Variants in B3GALNT2 observed in about 807,000 individuals in gnomAD.
B3GALNT2 encodes UDP-GalNAc:beta-1,3-N-acetylgalactosaminyltransferase 2.
In B3GALNT2, 53 loss-of-function variants were observed where a neutral mutation model predicts 61.1. That is an observed-to-expected ratio of 0.87 (90% CI 0.70 to 1.09). The LOEUF (loss-of-function observed/expected upper bound fraction) is 1.09. B3GALNT2 is among the 50% of genes least tolerant of loss of function. The probability of loss-of-function intolerance (pLI) is 0.00; values close to 1 mark genes in which losing one functional copy is unlikely to be tolerated. For missense variants in B3GALNT2, 544 were observed against 623.0 expected, an observed-to-expected ratio of 0.87 and a Z score of 1.35; for synonymous variants, 223 against 237.4, an observed-to-expected ratio of 0.94 and a Z score of 0.56.
At position 235,458,669 on chromosome 1, in the gene B3GALNT2, A is replaced by G. The variant is rs148808160; in HGVS notation, c.959T>C (p.Ile320Thr). 3.2e-5 allele frequency: 51 copies of G among 1,613,140 alleles called. No individual in the cohort carries two copies. In the Admixed American group the frequency reaches 4.3e-4, roughly 14 times the overall value. ...AGTGTCGACAACATCCACAAAAACA[A>G]TATCATCATAGATGCTGCTTTCCTC... is the stretch of plus-strand genomic sequence containing the variant. ...LKEESSIYDD[I>T]VFVDVVDTYR... The change falls in exon 8 of 12, where the codon ATT (isoleucine) becomes ACT (threonine). Residue 320 changes from isoleucine to threonine, a missense_variant. Coordinates refer to ENST00000366600, the MANE Select transcript of B3GALNT2 (RefSeq NM_152490.5).
chr1:235,463,512 T>G (rs993567690), intron 7 of B3GALNT2: 1 of 150,140 alleles, frequency 6.7e-6, no homozygotes, highest in Non-Finnish European at 1.5e-5. Context: ...AGACCCAGAA[T>G]AGCCAATCAA....
intron 5 of B3GALNT2, among the ~76,000 whole-genome samples, chr1:235,471,304 T>G (rs764320978): frequency 4.6e-5 from 7 of 152,210 alleles, no homozygotes; most frequent in Non-Finnish European, 7.3e-5. Flanking sequence ...ACACCCTGAT[T>G]TACTCATTTT....
In B3GALNT2 at chr1:235,467,700, G is replaced by A. The variant is rs188005496; in HGVS notation, c.763-1986C>T. Among the ~76,000 whole-genome samples, 233 of 151,708 alleles carry A rather than the reference G, an allele frequency of 1.5e-3. 2 individuals carry two copies. The highest frequency in any genetic ancestry group is 0.013 in the Admixed American group (202 of 15,222). On this transcript the variant is annotated intron_variant, in intron 6 of 11. Transcript: ENST00000366600. ...TCACCATGTTGGCCAGGCTGGTCTC[G>A]AACTCCTGACCTCAGGTGATCCGCC...
chr1:235,484,552 T>A, intron 3 of B3GALNT2, 37 bp from the exon 4 acceptor site: 1 of 1,570,956 alleles, frequency 6.4e-7, no homozygotes, highest in Non-Finnish European at 8.6e-7. Flanking sequence ...ACTGAACAAA[T>A]GTAATCCTTT....
rs995874360 is a variant in B3GALNT2, at chr1:235,449,656, A to G, written c.*550T>C. The G allele has an allele frequency of 9.2e-5, 14 of 152,546 alleles. No homozygotes were observed. The highest frequency in any genetic ancestry group is 2.7e-4 in the African/African-American group (11 of 41,448). The allele number at this position is 152,546 out of a possible 1,614,324, so 9.4% of individuals were successfully genotyped here. A position where few individuals can be genotyped will look rare whatever the true frequency, so the allele number is the denominator to read the frequency against. On this transcript the variant is annotated 3_prime_UTR_variant, in exon 12 of 12. Coordinates refer to ENST00000366600, the MANE Select transcript of B3GALNT2 (RefSeq NM_152490.5). ...CTCTTCAAGTTAGTTCAAGTTGCCC[A>G]CTTCAGAGATCCACAAAATCTGACA...
intron 5 of B3GALNT2, among the ~76,000 whole-genome samples, chr1:235,471,511 G>A (rs1206851484): frequency 6.6e-6 from 1 of 152,156 alleles, no homozygotes; most frequent in African/African-American, 2.4e-5. Flanking sequence ...ACCGCCAACT[G>A]CTTTTTGAAA....
At chr1:235,441,879 C>A in the B3GALNT2 span, 1 of 1,613,738 alleles carries the variant, frequency 6.2e-7, no homozygotes, top group African/African-American at 1.3e-5. Context: ...AAACCAGCTA[C>A]TAAGTAAGAA....
intron 1 of B3GALNT2, among the ~76,000 whole-genome samples, chr1:235,497,055 G>A (rs923121654): frequency 3.3e-5 from 5 of 152,058 alleles, no homozygotes; most frequent in South Asian, 4.2e-4. Context: ...AGCAATAAGC[G>A]GATCATTGAA....
chr1:235,499,457 C>T (rs1685488623), intron 1 of B3GALNT2, among the ~76,000 whole-genome samples: 2 of 152,164 alleles, frequency 1.3e-5, no homozygotes, highest in Admixed American at 1.3e-4. Context: ...CAGAGCATCT[C>T]CTATGCTCAT....
rs149884283 is a variant in B3GALNT2 at position 235,504,098 on chromosome 1, AC to A, written c.112+42del. 0.16 allele frequency: 192,604 copies of A among 1,195,326 alleles called. 19,893 individuals are homozygous for A. Among genetic ancestry groups the A allele is most frequent in the East Asian group, 0.5 (14,013 of 28,090 alleles). 74.0% of individuals were successfully genotyped at this position (1,195,326 alleles called of 1,614,324 possible). On this transcript the variant is annotated intron_variant, in intron 1 of 11. Coordinates refer to ENST00000366600, the MANE Select transcript of B3GALNT2 (RefSeq NM_152490.5). Reference sequence around the variant, plus strand: ...CCCGCGGCACCAAGCCGGGCCTCCCACCCCCCCGGCGGCCGCCAACCCGCCC... The same window carrying A: ...CCCGCGGCACCAAGCCGGGCCTCCCACCCCCCGGCGGCCGCCAACCCGCCC...
At chr1:235,440,157 G>A in the B3GALNT2 span, among the ~76,000 whole-genome samples, 88 of 151,684 alleles carry the variant, frequency 5.8e-4, no homozygotes, top group East Asian at 1.4e-3. Context: ...TTTTTAGTAG[G>A]GACGGGGTTT....
intron 1 of B3GALNT2, among the ~76,000 whole-genome samples, chr1:235,503,270 G>T (rs1331655471): frequency 2.0e-5 from 3 of 152,172 alleles, no homozygotes. Context: ...GAGCTTTCTA[G>T]GTTTCTTTCA....
Position 235,448,839 on chromosome 1 carries a change from CAA to C in B3GALNT2, c.*1365_*1366del. 9.3e-7 allele frequency: 1 copy of C among 1,079,858 alleles called. No homozygotes were observed. The highest frequency in any genetic ancestry group is 1.4e-6 in the Non-Finnish European group (1 of 707,244). The allele number at this position is 1,079,858 out of a possible 1,614,324, so 66.9% of individuals were successfully genotyped here. A position where few individuals can be genotyped will look rare whatever the true frequency, so the allele number is the denominator to read the frequency against. ...ACCGGAAATAAATGATTCACTGGAACAATTCTACTGTCAAAACAAAGGGGGTT... is the reference window on the plus strand; with the variant it reads ...ACCGGAAATAAATGATTCACTGGAACTTCTACTGTCAAAACAAAGGGGGTT... On this transcript the variant is annotated 3_prime_UTR_variant, in exon 12 of 12. Transcript: ENST00000366600.
chr1:235,471,883 G>A (rs951026271), intron 5 of B3GALNT2, among the ~76,000 whole-genome samples: 1 of 151,912 alleles, frequency 6.6e-6, no homozygotes, highest in Non-Finnish European at 1.5e-5. Flanking sequence ...GGCTGGTCTG[G>A]AACTCCTGAC....
downstream of B3GALNT2, among the ~76,000 whole-genome samples, chr1:235,443,183 C>T (rs1182847080): frequency 5.6e-4 from 81 of 145,250 alleles, no homozygotes; most frequent in Admixed American, 9.1e-4. Context: ...CACACACACA[C>T]ACATATATAT....
chr1:235,480,189 G>C (rs780967023), intron 4 of B3GALNT2, 40 bp from the exon 5 acceptor site: 1 of 1,609,130 alleles, frequency 6.2e-7, no homozygotes, highest in Non-Finnish European at 8.5e-7. Context: ...AATACTTCAT[G>C]TTATACATTG....
At chr1:235,504,003 G>A in intron 1 of B3GALNT2, 138 bp downstream of exon 1, 1 of 963,358 alleles carries the variant, frequency 1.0e-6, no homozygotes, top group Non-Finnish European at 1.3e-6. Context: ...AGGATGAAAA[G>A]AGCCGTTTGT....
chr1:235,476,736 G>T (rs761548774), intron 5 of B3GALNT2, among the ~76,000 whole-genome samples: 1 of 151,718 alleles, frequency 6.6e-6, no homozygotes, highest in Non-Finnish European at 1.5e-5. Flanking sequence ...TGTAATCCCA[G>T]CTACTTGAGA....
chr1:235,445,513 G>A (rs938858169), downstream of B3GALNT2, among the ~76,000 whole-genome samples: 1 of 152,144 alleles, frequency 6.6e-6, no homozygotes, highest in African/African-American at 2.4e-5. Context: ...GTGCATGCCT[G>A]TAGTCCCAGC....
Sources: allele counts gnomAD v4.1 joint callset (sites outside exome capture counted in the v4.1 genomes callset), GRCh38; gene constraint gnomAD v4.1.1; transcripts MANE v1.5; gene names NCBI Gene and HGNC (gene_info 2026-07-23, HGNC 2026-07-21).